Variants in SGCZ observed in about 807,000 individuals in gnomAD.
SGCZ encodes the protein sarcoglycan zeta, also known as zeta-sarcoglycan.
Under a neutral mutation model 41.3 loss-of-function variants are expected in SGCZ, and 40 were observed. That is an observed-to-expected ratio of 0.97 (90% CI 0.75 to 1.26). The LOEUF is 1.26. SGCZ is among the 50% of genes most tolerant of loss of function. The pLI, the probability that SGCZ is intolerant of heterozygous loss-of-function variation, is 0.00. For missense variants in SGCZ, 552 were observed against 369.8 expected, an observed-to-expected ratio of 1.49 and a Z score of -4.04; for synonymous variants, 206 against 137.5, an observed-to-expected ratio of 1.50 and a Z score of -3.49.
At chr8:14,198,717 C>G (rs1805358715) in intron 4 of SGCZ, among the ~76,000 whole-genome samples, 1 of 152,160 alleles carries the variant, frequency 6.6e-6, no homozygotes, top group Admixed American at 6.6e-5. Context: ...GAGGGACCAG[C>G]TGAAGCCATG....
At chr8:14,496,889 A>C (rs1006151571) in intron 2 of SGCZ, among the ~76,000 whole-genome samples, 6 of 152,104 alleles carry the variant, frequency 3.9e-5, no homozygotes, top group Non-Finnish European at 7.4e-5. Flanking sequence ...TTTTATTTCT[A>C]ATTTTTTTCA....
At chr8:14,604,634 T>C (rs1430572300) in intron 1 of SGCZ, among the ~76,000 whole-genome samples, 1 of 152,150 alleles carries the variant, frequency 6.6e-6, no homozygotes, top group African/African-American at 2.4e-5. Context: ...ACTGTCAAAG[T>C]AATAGAATGC....
chr8:14,122,201 C>T (rs150543751), intron 5 of SGCZ, among the ~76,000 whole-genome samples: 1,997 of 152,160 alleles, frequency 0.013, 38 homozygotes, highest in African/African-American at 0.045. Context: ...GGCGTGAACC[C>T]GGGAGGTGGA....
intron 1 of SGCZ, among the ~76,000 whole-genome samples, chr8:15,168,641 G>A (rs1352422805): frequency 1.4e-5 from 2 of 139,438 alleles, no homozygotes; most frequent in Non-Finnish European, 3.1e-5. Flanking sequence ...AGGGACACCT[G>A]TTCCCCTCTT....
intron 1 of SGCZ, among the ~76,000 whole-genome samples, chr8:15,221,314 G>C (rs1346236042): frequency 6.6e-6 from 1 of 152,142 alleles, no homozygotes; most frequent in Non-Finnish European, 1.5e-5. Context: ...ATGGGAGTGG[G>C]GGAGTGGGAG....
intron 1 of SGCZ, among the ~76,000 whole-genome samples, chr8:14,707,007 T>C (rs890519336): frequency 1.3e-5 from 2 of 150,052 alleles, no homozygotes; most frequent in Non-Finnish European, 3.0e-5. Flanking sequence ...AGAGCAGGAG[T>C]GAAAGTTTAT....
intron 1 of SGCZ, among the ~76,000 whole-genome samples, chr8:14,809,650 AT>A (rs879354631): frequency 4.6e-5 from 7 of 152,278 alleles, no homozygotes; most frequent in Admixed American, 2.6e-4. Flanking sequence ...CTTAAAGTGA[AT>A]GGATTTAAGA....
intron 1 of SGCZ, among the ~76,000 whole-genome samples, chr8:14,966,613 A>G (rs1033258985): frequency 1.3e-5 from 2 of 152,118 alleles, no homozygotes; most frequent in Non-Finnish European, 2.9e-5. Flanking sequence ...TCCATTTAGA[A>G]ATCCAGTGCA....
chr8:14,348,737 A>G (rs577317316), intron 2 of SGCZ, among the ~76,000 whole-genome samples: 1 of 152,318 alleles, frequency 6.6e-6, no homozygotes, highest in Non-Finnish European at 1.5e-5. Flanking sequence ...GAAGAACATA[A>G]TCTATATTCT....
At chr8:14,845,150 G>A (rs1335896916) in intron 1 of SGCZ, among the ~76,000 whole-genome samples, 1 of 152,106 alleles carries the variant, frequency 6.6e-6, no homozygotes, top group East Asian at 1.9e-4. Flanking sequence ...ATGAGATGAT[G>A]GTGCCCAGCA....
intron 1 of SGCZ, among the ~76,000 whole-genome samples, chr8:15,164,489 C>G (rs1799597322): frequency 6.6e-6 from 1 of 152,068 alleles, no homozygotes; most frequent in Admixed American, 6.5e-5. Context: ...CCTCCCCAGC[C>G]CAGGGGTTTT....
In SGCZ at chr8:14,642,210, A is replaced by T. The variant is rs572434276; in HGVS notation, c.40-87284T>A. Among the ~76,000 whole-genome samples the T allele has an allele frequency of 4.6e-5, 7 of 151,798 alleles. No homozygotes were observed. The East Asian group carries it at 1.4e-3, about 30-fold the overall frequency. On this transcript the variant is annotated intron_variant, in intron 1 of 7. Coordinates refer to ENST00000382080, the MANE Select transcript of SGCZ (RefSeq NM_139167.4). The stretch of plus-strand genomic sequence containing the variant: ...TTGTCCTCTTTTAGGATGGGAAGAA[A>T]TTGGGAAGAGAATCAGATGGGACAA...
chr8:14,759,806 T>C (rs1799804420), intron 1 of SGCZ, among the ~76,000 whole-genome samples: 3 of 152,166 alleles, frequency 2.0e-5, no homozygotes. Flanking sequence ...TGAGTGTCTG[T>C]GATGGTGCCT....
At chr8:14,669,320 T>G (rs1046426132) in intron 1 of SGCZ, among the ~76,000 whole-genome samples, 19 of 149,918 alleles carry the variant, frequency 1.3e-4, no homozygotes, top group African/African-American at 4.7e-4. Context: ...GACATGCCAC[T>G]GCACTCTAGC....
intron 7 of SGCZ, among the ~76,000 whole-genome samples, chr8:14,092,684 C>A (rs1375770062): frequency 6.6e-6 from 1 of 151,984 alleles, no homozygotes; most frequent in African/African-American, 2.4e-5. Context: ...TGGTTCTCTC[C>A]TTCTCTCTTG....
intron 1 of SGCZ, among the ~76,000 whole-genome samples, chr8:15,237,088 T>C (rs7820168): frequency 0.55 from 84,129 of 152,110 alleles, 23,783 homozygotes; most frequent in Non-Finnish European, 0.6. Flanking sequence ...CGGGCTGTCG[T>C]TGCAGATGCC....
At chr8:14,544,397 G>A (rs1051073348) in intron 2 of SGCZ, among the ~76,000 whole-genome samples, 2 of 152,036 alleles carry the variant, frequency 1.3e-5, no homozygotes, top group African/African-American at 2.4e-5. Context: ...TATGGAACAA[G>A]GGAAGACAAC....
At chr8:15,050,017 G>T (rs555591475) in intron 1 of SGCZ, among the ~76,000 whole-genome samples, 2 of 152,236 alleles carry the variant, frequency 1.3e-5, no homozygotes, top group Admixed American at 1.3e-4. Context: ...TTAGCAATGT[G>T]AGAACAAACT....
intron 1 of SGCZ, among the ~76,000 whole-genome samples, chr8:15,082,768 G>C (rs1250321525): frequency 6.6e-6 from 1 of 152,042 alleles, no homozygotes; most frequent in Non-Finnish European, 1.5e-5. Flanking sequence ...ATGACCTAAA[G>C]AACCATTAAT....
Sources: gnomAD v4.1 joint callset for allele counts (sites outside exome capture counted in the v4.1 genomes callset) on GRCh38, gnomAD v4.1.1 for gene constraint, MANE v1.5 for transcripts, NCBI Gene and HGNC (gene_info 2026-07-23, HGNC 2026-07-21) for gene names.